The following COL24A1 variants were observed in gnomAD, a reference collection of about 807,000 sequenced individuals.
The protein encoded by COL24A1 is collagen type XXIV alpha 1 chain.
Under a neutral mutation model 253.9 loss-of-function variants are expected in COL24A1, and 224 were observed. The observed-to-expected ratio is 0.88, with a 90% CI of 0.79 to 0.99. The LOEUF is 0.99. Ranked by LOEUF, COL24A1 falls within the 50% of genes least tolerant of loss-of-function variation. The pLI is 0.00. For missense variants in COL24A1, 2,131 were observed against 2,068.5 expected (o/e 1.03, Z -0.59); for synonymous variants, 685 against 673.7 (o/e 1.02, Z -0.26).
chr1:86,068,801 G>A (rs1256424413), intron 7 of COL24A1, among the ~76,000 whole-genome samples: 2 of 152,060 alleles, frequency 1.3e-5, no homozygotes, highest in African/African-American at 4.8e-5. Flanking sequence ...GTGTAATAGA[G>A]CACCAAGCAG....
chr1:86,124,806 G>A, intron 3 of COL24A1, 39 bp downstream of exon 3: 2 of 1,429,860 alleles, frequency 1.4e-6, no homozygotes, highest in South Asian at 1.5e-5. Flanking sequence ...TAAAATGTAA[G>A]TTAGCATATT....
chr1:85,939,391 C>T (rs1383466341), intron 24 of COL24A1, among the ~76,000 whole-genome samples: 1 of 152,094 alleles, frequency 6.6e-6, no homozygotes, highest in African/African-American at 2.4e-5. Flanking sequence ...CCTTAGGAAA[C>T]ACAGAATGTT....
chr1:86,139,718 T>C (rs1214448937), intron 2 of COL24A1, among the ~76,000 whole-genome samples: 1 of 152,170 alleles, frequency 6.6e-6, no homozygotes, highest in Non-Finnish European at 1.5e-5. Flanking sequence ...TCTTGATCAG[T>C]TACATCCCAA....
Position 85,992,985 on chromosome 1 carries a change from G to A in COL24A1, c.2311-5331C>T, listed in dbSNP as rs116681672. Among the ~76,000 whole-genome samples, 326 of 152,098 alleles carry A rather than the reference G, an allele frequency of 2.1e-3. 1 individual carries two copies. The highest frequency in any genetic ancestry group is 7.5e-3 in the African/African-American group (313 of 41,510). Reference sequence around the variant, plus strand: ...TTCAGACCCTTCACATCTGTTTGCCGTACTGAGAAGAGTGACTCAGCATTC... The same window carrying A: ...TTCAGACCCTTCACATCTGTTTGCCATACTGAGAAGAGTGACTCAGCATTC... On this transcript the variant is annotated intron_variant, in intron 19 of 59. Coordinates refer to ENST00000370571, the MANE Select transcript of COL24A1 (RefSeq NM_152890.7).
chr1:85,819,418 T>A (rs550060847), intron 45 of COL24A1, among the ~76,000 whole-genome samples: 1 of 152,316 alleles, frequency 6.6e-6, no homozygotes, highest in East Asian at 1.9e-4. Flanking sequence ...TATTTCTTTT[T>A]ATGCAACGAG....
intron 32 of COL24A1, among the ~76,000 whole-genome samples, chr1:85,888,569 T>C (rs1415715686): frequency 6.6e-6 from 1 of 152,062 alleles, no homozygotes; most frequent in Non-Finnish European, 1.5e-5. Flanking sequence ...AGTTGCATTA[T>C]TTTAGGTCAG....
At chr1:85,812,141 C>T (rs1354250033) in intron 47 of COL24A1, among the ~76,000 whole-genome samples, 4 of 152,190 alleles carry the variant, frequency 2.6e-5, no homozygotes, top group Admixed American at 6.5e-5. Flanking sequence ...CGGTAATAAT[C>T]GAATTCACTG....
intron 10 of COL24A1, among the ~76,000 whole-genome samples, chr1:86,051,163 C>G (rs879634222): frequency 6.6e-6 from 1 of 151,992 alleles, no homozygotes; most frequent in Non-Finnish European, 1.5e-5. Flanking sequence ...TTTACGGGTC[C>G]AGATCACTGG....
intron 5 of COL24A1, among the ~76,000 whole-genome samples, chr1:86,094,460 G>C (rs1703750611): frequency 6.6e-6 from 1 of 150,934 alleles, no homozygotes; most frequent in South Asian, 2.1e-4. Context: ...CATGGACACA[G>C]AGAGGGGAAC....
chr1:85,879,510 A>G (rs553119632), intron 32 of COL24A1, among the ~76,000 whole-genome samples: 1 of 152,204 alleles, frequency 6.6e-6, no homozygotes, highest in African/African-American at 2.4e-5. Context: ...TTAAAACAAC[A>G]TAAGGGTTAC....
intron 35 of COL24A1, among the ~76,000 whole-genome samples, chr1:85,872,546 C>A (rs963437950): frequency 1.3e-5 from 2 of 152,050 alleles, no homozygotes; most frequent in Non-Finnish European, 2.9e-5. Context: ...TCTCTACAAC[C>A]ATCTGATCTT....
At chr1:85,803,822 T>C (rs1671685148) in intron 47 of COL24A1, among the ~76,000 whole-genome samples, 1 of 152,200 alleles carries the variant, frequency 6.6e-6, no homozygotes, top group Non-Finnish European at 1.5e-5. Context: ...TATTCCAATC[T>C]AGACATCTTT....
intron 24 of COL24A1, among the ~76,000 whole-genome samples, chr1:85,930,497 C>T (rs1024589993): frequency 6.2e-5 from 3 of 48,230 alleles, no homozygotes; most frequent in Non-Finnish European, 3.9e-5. Context: ...CCGAATTCTA[C>T]CAGAGGTACA....
chr1:86,097,363 CT>C (rs1286608158), intron 5 of COL24A1, among the ~76,000 whole-genome samples: 3 of 123,240 alleles, frequency 2.4e-5, no homozygotes, highest in African/African-American at 8.0e-5. Context: ...TGTTGTTGTT[CT>C]TCTTCTCCTT....
chr1:85,774,073 G>A (rs1668268388), intron 53 of COL24A1, among the ~76,000 whole-genome samples: 1 of 152,020 alleles, frequency 6.6e-6, no homozygotes, highest in Non-Finnish European at 1.5e-5. Flanking sequence ...GAGAGTTTTG[G>A]CATGAAAGGC....
intron 8 of COL24A1, among the ~76,000 whole-genome samples, chr1:86,062,150 G>A (rs12353970): frequency 0.099 from 15,072 of 152,040 alleles, 827 homozygotes; most frequent in Middle Eastern, 0.2. Context: ...AGAAGTTGTA[G>A]TTAATAGTAA....
intron 2 of COL24A1, among the ~76,000 whole-genome samples, 175 bp downstream of exon 2, chr1:86,145,944 C>G (rs560997036): frequency 1.3e-5 from 2 of 151,850 alleles, no homozygotes; most frequent in African/African-American, 4.8e-5. Flanking sequence ...TCTTAAAGGT[C>G]GTATTTCCCC....
chr1:85,991,751 A>C (rs1694297861), intron 19 of COL24A1, among the ~76,000 whole-genome samples: 1 of 152,210 alleles, frequency 6.6e-6, no homozygotes, highest in African/African-American at 2.4e-5. Context: ...CAAGGATAAT[A>C]GAAGAAAAAG....
intron 55 of COL24A1, among the ~76,000 whole-genome samples, chr1:85,748,665 A>AGT (rs1665565465): frequency 6.9e-6 from 1 of 144,374 alleles, no homozygotes; most frequent in Admixed American, 7.0e-5. Flanking sequence ...GGCGCAGGCC[A>AGT]GTGTGTGTGC....
Sources: gnomAD v4.1 joint callset for allele counts (sites outside exome capture counted in the v4.1 genomes callset) on GRCh38, gnomAD v4.1.1 for gene constraint, MANE v1.5 for transcripts, NCBI Gene and HGNC (gene_info 2026-07-23, HGNC 2026-07-21) for gene names.